Variants in DIP2C observed in about 807,000 individuals in gnomAD.
DIP2C encodes the protein DIP2 acetate--CoA ligase C (putative).
Under a neutral mutation model 192.4 loss-of-function variants are expected in DIP2C, and 33 were observed. That is an observed-to-expected ratio of 0.17 (90% CI 0.13 to 0.23). The LOEUF (loss-of-function observed/expected upper bound fraction) is 0.23. Among genes scored for constraint, DIP2C ranks in the 10% least tolerant of loss-of-function variants. The probability of loss-of-function intolerance (pLI) is 1.00; values close to 1 mark genes in which losing one functional copy is unlikely to be tolerated. For synonymous variants in DIP2C, 979 were observed against 864.1 expected (o/e 1.13, Z -2.33); for missense variants, 1,537 against 2,110.1 (o/e 0.73, Z 5.32).
In DIP2C at chr10:277,915, C is replaced by G. The variant is rs1954599890; in HGVS notation, c.4419-338G>C. Among the ~76,000 whole-genome samples, 3 of 152,242 alleles carry G rather than the reference C, an allele frequency of 2.0e-5. 1 individual carries two copies. Among genetic ancestry groups the G allele is most frequent in the African/African-American group, 7.2e-5 (3 of 41,468 alleles). ...GCCTCTTTGCTGCTGCCTGGAGGAC[C>G]AATGCCCTCACTGAACAGTGCAGTG... On this transcript the variant is annotated intron_variant, in intron 36 of 36. Transcript: ENST00000280886.
intron 32 of DIP2C, among the ~76,000 whole-genome samples, chr10:308,733 C>T (rs1370283709): frequency 1.3e-5 from 2 of 152,208 alleles, no homozygotes; most frequent in African/African-American, 4.8e-5. Context: ...TACGTGGCCA[C>T]CACTCTTCTG....
At chr10:604,515 T>C (rs184507255) in intron 1 of DIP2C, among the ~76,000 whole-genome samples, 4 of 152,342 alleles carry the variant, frequency 2.6e-5, no homozygotes, top group East Asian at 1.9e-4. Flanking sequence ...ACAGTGTGCC[T>C]GTAGTTCACA....
Position 652,809 on chromosome 10 carries a change from T to C in DIP2C, c.85+36685A>G, listed in dbSNP as rs779656467. Among the ~76,000 whole-genome samples, 3 of 151,346 alleles carry C rather than the reference T, an allele frequency of 2.0e-5. No homozygotes were observed. Among genetic ancestry groups the C allele is most frequent in the Non-Finnish European group, 2.9e-5 (2 of 67,844 alleles). ...TGATTTTTTTTTTTTTAAACAGAAA[T>C]GGCACCAGGGCAGATGATGATTTTT... On this transcript the variant is annotated intron_variant, in intron 1 of 36. Transcript: ENST00000280886. The surrounding 1 kb of genome is among the most constrained non-coding windows in gnomAD (Gnocchi z 4.5).
At chr10:470,603 G>C (rs961391868) in intron 3 of DIP2C, among the ~76,000 whole-genome samples, 2 of 152,198 alleles carry the variant, frequency 1.3e-5, no homozygotes, top group East Asian at 1.9e-4. Flanking sequence ...TTATCTCGTG[G>C]AGTAGCTGGG....
intron 17 of DIP2C, among the ~76,000 whole-genome samples, chr10:378,004 T>C (rs1961834542): frequency 6.6e-6 from 1 of 152,176 alleles, no homozygotes; most frequent in Non-Finnish European, 1.5e-5. Context: ...ATCTACATTC[T>C]AGAGATGGTA....
At chr10:444,190 C>G (rs111666707) in intron 3 of DIP2C, among the ~76,000 whole-genome samples, 1 of 142,118 alleles carries the variant, frequency 7.0e-6, no homozygotes, top group Non-Finnish European at 1.5e-5. Context: ...TGTTCCTTGG[C>G]GCTCTTCCAT....
chr10:450,820 A>G (rs1214367538), intron 3 of DIP2C, among the ~76,000 whole-genome samples: 1 of 152,188 alleles, frequency 6.6e-6, no homozygotes, highest in African/African-American at 2.4e-5. Flanking sequence ...CTCACCTCCA[A>G]CAAGGAACAC....
intron 3 of DIP2C, among the ~76,000 whole-genome samples, chr10:461,013 C>G (rs924807707): frequency 2.0e-5 from 3 of 152,144 alleles, no homozygotes; most frequent in African/African-American, 7.2e-5. Context: ...GAGATTCTGT[C>G]ACCACCAGGT....
rs542083720 is a variant in DIP2C at position 286,322 on chromosome 10, A to G, written c.4070T>C (p.Ile1357Thr). ...GKILPGVRIIIANPETKGPLG... is the reference protein window; with the variant it reads ...GKILPGVRIITANPETKGPLG... ...CGGTCCTTTTGTTTCTGGGTTGGCA[A>G]TTATAATCCGAACCCCTGGAAGTAT... Residue 1357 changes from isoleucine (I) to threonine (T), a missense_variant, in exon 34 of 37, where the codon ATT becomes ACT. Transcript: ENST00000280886. 6.2e-7 allele frequency: 1 copy of G among 1,614,200 alleles called. No individual in the cohort carries two copies. The highest frequency in any genetic ancestry group is 1.3e-5 in the African/African-American group (1 of 75,062).
intron 31 of DIP2C, among the ~76,000 whole-genome samples, chr10:317,525 C>A (rs1254183285): frequency 6.6e-6 from 1 of 152,216 alleles, no homozygotes; most frequent in Non-Finnish European, 1.5e-5. Context: ...CACGGCACGG[C>A]TGTTTTTGTT....
intron 1 of DIP2C, among the ~76,000 whole-genome samples, chr10:637,147 G>C (rs1213421601): frequency 6.6e-6 from 1 of 152,254 alleles, no homozygotes; most frequent in Non-Finnish European, 1.5e-5. Context: ...CCAGGTATCT[G>C]AAGCCAGAAA....
intron 6 of DIP2C, among the ~76,000 whole-genome samples, chr10:417,619 T>G: frequency 6.7e-6 from 1 of 149,982 alleles, no homozygotes. Context: ...CCTGTCTGCC[T>G]GCGCCTGTCA....
Position 571,943 on chromosome 10 carries a change from T to C in DIP2C, c.86-85413A>G, listed in dbSNP as rs977266371. On this transcript the variant is annotated intron_variant, in intron 1 of 36. Transcript: ENST00000280886. ...TCAACTGCGAATTATTTTGTATCCA[T>C]GGTTACAAAAGAACCATAAGCATTC... 5.3e-5 allele frequency among the ~76,000 whole-genome samples: 8 copies of C among 152,244 alleles called. No homozygotes were observed. The East Asian group carries it at 7.7e-4, about 15-fold the overall frequency.
At chr10:546,831 G>GA (rs1339508174) in intron 1 of DIP2C, among the ~76,000 whole-genome samples, 5 of 152,098 alleles carry the variant, frequency 3.3e-5, no homozygotes, top group Admixed American at 3.3e-4. Flanking sequence ...GATCACATGA[G>GA]AAAGTGGCAG....
At chr10:454,242 A>G (rs748926233) in intron 3 of DIP2C, among the ~76,000 whole-genome samples, 6 of 152,238 alleles carry the variant, frequency 3.9e-5, no homozygotes, top group Non-Finnish European at 8.8e-5. Context: ...AGCTTCATGC[A>G]GCATTGAATA....
chr10:572,357 G>A (rs887164201), intron 1 of DIP2C, among the ~76,000 whole-genome samples: 9 of 152,162 alleles, frequency 5.9e-5, no homozygotes, highest in Non-Finnish European at 8.8e-5. Flanking sequence ...CATCCTGAGC[G>A]CCACAAAAAT....
chr10:590,395 C>T (rs899693894), intron 1 of DIP2C, among the ~76,000 whole-genome samples: 1 of 152,248 alleles, frequency 6.6e-6, no homozygotes, highest in Non-Finnish European at 1.5e-5. Context: ...GACTAACGCC[C>T]ACACTGAGCA....
chr10:325,552 G>A (rs1054703795), intron 31 of DIP2C, among the ~76,000 whole-genome samples: 1 of 152,178 alleles, frequency 6.6e-6, no homozygotes, highest in African/African-American at 2.4e-5. Flanking sequence ...CCTGTCACTG[G>A]TGGATGGAGA....
chr10:596,722 T>TGGAACTGGCTTCACAGA (rs1851730612), intron 1 of DIP2C, among the ~76,000 whole-genome samples: 1 of 151,970 alleles, frequency 6.6e-6, no homozygotes, highest in South Asian at 2.1e-4. Context: ...CTGCGGGAAG[T>TGGAACTGGCTTCACAGA]GGAACTGGCT....
Sources: allele counts gnomAD v4.1 joint callset (sites outside exome capture counted in the v4.1 genomes callset), GRCh38; gene constraint gnomAD v4.1.1; non-coding constraint Gnocchi (gnomAD v3.1); transcripts MANE v1.5; gene names NCBI Gene and HGNC (gene_info 2026-07-23, HGNC 2026-07-21).